RIMS2: variants seen among roughly 807,000 people sequenced by gnomAD.
RIMS2 encodes regulating synaptic membrane exocytosis 2.
RIMS2 carries 59 observed loss-of-function variants against 174.4 expected under a neutral mutation model. The observed-to-expected ratio is 0.34, with a 90% CI of 0.27 to 0.42. The LOEUF (loss-of-function observed/expected upper bound fraction) is 0.42. Ranked by LOEUF, RIMS2 falls within the 10% of genes least tolerant of loss-of-function variation. The pLI is 1.00. For missense variants in RIMS2, 1,620 were observed against 1,666.3 expected (o/e 0.97, Z 0.48); for synonymous variants, 606 against 572.5 (o/e 1.06, Z -0.84).
intron 10 of RIMS2, among the ~76,000 whole-genome samples, chr8:103,925,417 T>G (rs1446994712): frequency 2.0e-5 from 3 of 151,586 alleles, no homozygotes; most frequent in Non-Finnish European, 3.0e-5. Context: ...TTTTAAAAAC[T>G]TTCTATAAAT....
intron 1 of RIMS2, among the ~76,000 whole-genome samples, chr8:103,572,038 A>T (rs2092850966): frequency 6.6e-6 from 1 of 152,060 alleles, no homozygotes; most frequent in Admixed American, 6.6e-5. Flanking sequence ...GAAGCCACGG[A>T]CCCTCGCAGT....
At chr8:103,936,846 A>G in intron 13 of RIMS2, 124 bp downstream of exon 15, 1 of 686,256 alleles carries the variant, frequency 1.5e-6, no homozygotes, top group African/African-American at 1.9e-5. Flanking sequence ...CTGTAATCTC[A>G]GCACTTTGGG....
chr8:104,126,328 A>G (rs1206965482), intron 19 of RIMS2, among the ~76,000 whole-genome samples: 2 of 152,204 alleles, frequency 1.3e-5, no homozygotes, highest in East Asian at 3.8e-4. Context: ...TAGTGAAACA[A>G]TTTTCAAACT....
chr8:104,001,185 T>A (rs553376892), intron 17 of RIMS2, among the ~76,000 whole-genome samples: 9 of 152,040 alleles, frequency 5.9e-5, no homozygotes, highest in Admixed American at 3.3e-4. Context: ...GTCAGGCAAC[T>A]ATAATTAACA....
At chr8:104,181,598 A>T (rs796447315) in intron 19 of RIMS2, among the ~76,000 whole-genome samples, 1 of 151,734 alleles carries the variant, frequency 6.6e-6, no homozygotes, top group African/African-American at 2.4e-5. Context: ...AAATTCCACA[A>T]ATGTTTGTTT....
chr8:103,747,163 A>T (rs1022206789), intron 2 of RIMS2, among the ~76,000 whole-genome samples: 1 of 151,368 alleles, frequency 6.6e-6, no homozygotes, highest in African/African-American at 2.4e-5. Context: ...ACATATGTAT[A>T]CATGTGCCAT....
chr8:103,790,469 T>C (rs2098486275), intron 3 of RIMS2, among the ~76,000 whole-genome samples: 1 of 152,240 alleles, frequency 6.6e-6, no homozygotes, highest in Admixed American at 6.5e-5. Flanking sequence ...TTTCATTGTA[T>C]GTTTATACCA....
At chr8:103,636,973 G>T (rs533624204) in intron 1 of RIMS2, among the ~76,000 whole-genome samples, 1 of 152,258 alleles carries the variant, frequency 6.6e-6, no homozygotes, top group African/African-American at 2.4e-5. Context: ...GTTTAGTTCT[G>T]ATTGGCCAAG....
At chr8:104,109,132 C>G (rs529272637) in intron 19 of RIMS2, among the ~76,000 whole-genome samples, 1 of 151,570 alleles carries the variant, frequency 6.6e-6, no homozygotes, top group Non-Finnish European at 1.5e-5. Flanking sequence ...CCTGTCTCTA[C>G]TAAAAATACA....
intron 2 of RIMS2, among the ~76,000 whole-genome samples, chr8:103,739,067 G>A: frequency 6.6e-6 from 1 of 152,138 alleles, no homozygotes; most frequent in Non-Finnish European, 1.5e-5. Context: ...CGGCTATAAA[G>A]ACACATGCAC....
At chr8:104,025,507 A>G (rs2096233794) in intron 19 of RIMS2, among the ~76,000 whole-genome samples, 1 of 152,122 alleles carries the variant, frequency 6.6e-6, no homozygotes, top group African/African-American at 2.4e-5. Flanking sequence ...ATACAAACAA[A>G]AAAGTTTGAA....
In RIMS2 at chr8:104,035,581, A is replaced by G. The variant is rs191208506; in HGVS notation, c.3334+20966A>G. ...TATCTTTAGGAAAAGTAAATATTCA[A>G]TTAAGTATTTTGTTAGTGAATTTTA... On this transcript the variant is annotated intron_variant, in intron 19 of 23. Transcript: ENST00000504942. Among the ~76,000 whole-genome samples the G allele has an allele frequency of 5.3e-5, 8 of 151,930 alleles. No homozygotes were observed. The East Asian group carries it at 1.5e-3, about 29-fold the overall frequency.
intron 19 of RIMS2, among the ~76,000 whole-genome samples, chr8:104,119,890 A>G (rs2098344033): frequency 6.6e-6 from 1 of 152,248 alleles, no homozygotes; most frequent in African/African-American, 2.4e-5. Flanking sequence ...TGCATGTATT[A>G]ATAAAAGATT....
chr8:104,125,813 T>C (rs1250233659), intron 19 of RIMS2, among the ~76,000 whole-genome samples: 1 of 152,160 alleles, frequency 6.6e-6, no homozygotes, highest in Admixed American at 6.6e-5. Context: ...TCACACATAT[T>C]TAACTACTCA....
intron 3 of RIMS2, among the ~76,000 whole-genome samples, chr8:103,794,734 C>G (rs980268041): frequency 2.6e-5 from 4 of 152,048 alleles, no homozygotes; most frequent in African/African-American, 7.3e-5. Flanking sequence ...AACAAATTTA[C>G]AAGAAAAAAA....
chr8:103,633,037 T>G (rs1564098219), intron 1 of RIMS2, among the ~76,000 whole-genome samples: 1 of 150,804 alleles, frequency 6.6e-6, no homozygotes, highest in Admixed American at 6.6e-5. Context: ...CAGGCCTTTT[T>G]TTTTTTTGAG....
chr8:103,718,815 C>CT (rs1255903061), intron 2 of RIMS2, among the ~76,000 whole-genome samples: 3 of 151,988 alleles, frequency 2.0e-5, no homozygotes, highest in Non-Finnish European at 4.4e-5. Context: ...TTACAGGCGC[C>CT]TGCCACCACC....
At chr8:103,736,039 C>T (rs759375384) in intron 2 of RIMS2, among the ~76,000 whole-genome samples, 6 of 152,050 alleles carry the variant, frequency 3.9e-5, no homozygotes, top group Non-Finnish European at 5.9e-5. Flanking sequence ...AGTTTATGCG[C>T]GTAATATTCT....
chr8:103,639,453 C>T (rs1286625549), intron 1 of RIMS2, among the ~76,000 whole-genome samples: 3 of 151,684 alleles, frequency 2.0e-5, no homozygotes, highest in Non-Finnish European at 4.4e-5. Flanking sequence ...GTAGTTAATA[C>T]TTCCCTCTTT....
Sources: allele counts gnomAD v4.1 joint callset (sites outside exome capture counted in the v4.1 genomes callset), GRCh38; gene constraint gnomAD v4.1.1; transcripts MANE v1.5; gene names NCBI Gene and HGNC (gene_info 2026-07-23, HGNC 2026-07-21).